MITF: variants seen among roughly 807,000 people sequenced by gnomAD.
The protein encoded by MITF is microphthalmia-associated transcription factor.
MITF carries 17 observed loss-of-function variants against 60.5 expected under a neutral mutation model. The ratio of observed to expected loss-of-function variants is 0.28; its 90% confidence interval spans 0.19 to 0.42. MITF has a LOEUF of 0.42. Ranked by LOEUF, MITF falls within the 10% of genes least tolerant of loss-of-function variation. The pLI, the probability that MITF is intolerant of heterozygous loss-of-function variation, is 1.00. For missense variants in MITF, 622 were observed against 683.5 expected (o/e 0.91, Z 1.00); for synonymous variants, 260 against 248.5 (o/e 1.05, Z -0.43).
intron 1 of MITF, among the ~76,000 whole-genome samples, chr3:69,765,928 GC>G (rs1242757951): frequency 1.3e-5 from 2 of 152,184 alleles, no homozygotes; most frequent in East Asian, 3.8e-4. Flanking sequence ...TCATTGTGGA[GC>G]TTTTGGTTAA....
intron 5 of MITF, among the ~76,000 whole-genome samples, chr3:69,943,425 A>G (rs1167180603): frequency 6.6e-6 from 1 of 152,032 alleles, no homozygotes; most frequent in Non-Finnish European, 1.5e-5. Context: ...ACATTTCCCC[A>G]TCTGTAAAAT....
intron 2 of MITF, chr3:69,936,446 C>T (rs2065836652): frequency 2.0e-6 from 1 of 508,234 alleles, no homozygotes; most frequent in East Asian, 3.5e-5. Context: ...AGCATGACGT[C>T]AAGCCAGGGG....
intron 2 of MITF, among the ~76,000 whole-genome samples, chr3:69,894,378 T>C (rs2107327409): frequency 6.6e-6 from 1 of 152,326 alleles, no homozygotes; most frequent in Non-Finnish European, 1.5e-5. Flanking sequence ...ATATGTCCAT[T>C]TAATTTTATT....
chr3:69,870,280 A>G (rs920273871), intron 1 of MITF, among the ~76,000 whole-genome samples: 12 of 147,544 alleles, frequency 8.1e-5, no homozygotes, highest in East Asian at 2.0e-4. Context: ...ACACACACAC[A>G]CGTGTGTGTG....
intron 1 of MITF, among the ~76,000 whole-genome samples, chr3:69,765,024 C>T (rs2062268798): frequency 6.6e-6 from 1 of 152,148 alleles, no homozygotes; most frequent in Non-Finnish European, 1.5e-5. Flanking sequence ...GTGCTGGACG[C>T]TGGAAGCCAT....
chr3:69,904,386 T>G (rs1050833117), intron 2 of MITF, among the ~76,000 whole-genome samples: 6 of 152,210 alleles, frequency 3.9e-5, no homozygotes, highest in Non-Finnish European at 7.3e-5. Context: ...TACCAGGTAC[T>G]GACTAGCATG....
At chr3:69,847,458 A>T (rs949277651) in intron 1 of MITF, among the ~76,000 whole-genome samples, 4 of 152,172 alleles carry the variant, frequency 2.6e-5, no homozygotes, top group Admixed American at 1.3e-4. Context: ...TAACTCATTT[A>T]GTTATTATCT....
chr3:69,795,355 A>T (rs1209609117), intron 1 of MITF, among the ~76,000 whole-genome samples: 1 of 152,258 alleles, frequency 6.6e-6, no homozygotes, highest in African/African-American at 2.4e-5. Flanking sequence ...AAAAACATAT[A>T]GAAAATTACG....
intron 2 of MITF, among the ~76,000 whole-genome samples, chr3:69,915,514 T>C (rs183607062): frequency 2.4e-4 from 36 of 151,602 alleles, no homozygotes; most frequent in African/African-American, 8.4e-4. Context: ...TATATTTAAA[T>C]ATGTACCTAT....
intron 5 of MITF, among the ~76,000 whole-genome samples, chr3:69,943,469 A>G (rs2107497055): frequency 6.6e-6 from 1 of 152,186 alleles, no homozygotes; most frequent in East Asian, 1.9e-4. Context: ...TATGTGGTCA[A>G]CTCACTTGGT....
At chr3:69,794,916 G>A (rs533367321) in intron 1 of MITF, among the ~76,000 whole-genome samples, 80 of 152,318 alleles carry the variant, frequency 5.3e-4, no homozygotes, top group South Asian at 6.2e-4. Flanking sequence ...AAGTACATTC[G>A]TACTGGGACA....
chr3:69,926,280 G>A (rs1374111085), intron 2 of MITF, among the ~76,000 whole-genome samples: 2 of 152,192 alleles, frequency 1.3e-5, no homozygotes, highest in African/African-American at 4.8e-5. Flanking sequence ...TCAGTCTCAT[G>A]ATATAGATCC....
At chr3:69,755,496 T>C (rs1218630732) in intron 1 of MITF, among the ~76,000 whole-genome samples, 4 of 129,956 alleles carry the variant, frequency 3.1e-5, no homozygotes, top group African/African-American at 5.7e-5. Context: ...ATAGCCACTT[T>C]AGAGACTAGG....
chr3:69,908,204 C>G lies in MITF; in HGVS notation c.354+28821C>G, dbSNP rs559376266. On this transcript the variant is annotated intron_variant, in intron 2 of 9. Transcript: ENST00000352241. ...TCTAGGGGTGTGATTCAGTTTTGTA[C>G]CACTTTACATAGTGAGAAAACATTC... Among the ~76,000 whole-genome samples the G allele has an allele frequency of 2.6e-5, 4 of 152,244 alleles. No individual in the cohort carries two copies. The East Asian group carries it at 7.7e-4, about 29-fold the overall frequency.
At chr3:69,782,227 G>T (rs888113438) in intron 1 of MITF, among the ~76,000 whole-genome samples, 2 of 152,186 alleles carry the variant, frequency 1.3e-5, no homozygotes, top group African/African-American at 4.8e-5. Context: ...TTTAAATAAG[G>T]CATGAGCCAT....
At chr3:69,859,589 G>A (rs2063977195) in intron 1 of MITF, among the ~76,000 whole-genome samples, 1 of 151,968 alleles carries the variant, frequency 6.6e-6, no homozygotes, top group African/African-American at 2.4e-5. Context: ...GGTCCATGGA[G>A]GCCACTTCTA....
intron 2 of MITF, among the ~76,000 whole-genome samples, chr3:69,894,105 G>A (rs1392948334): frequency 6.6e-6 from 1 of 152,142 alleles, no homozygotes; most frequent in East Asian, 1.9e-4. Flanking sequence ...GGTTACATAG[G>A]AGTGACCATA....
intron 1 of MITF, among the ~76,000 whole-genome samples, chr3:69,782,671 C>T (rs1242996413): frequency 1.3e-5 from 2 of 152,148 alleles, no homozygotes; most frequent in East Asian, 3.9e-4. Context: ...TTATTGTAGG[C>T]CATTTCTTGC....
At chr3:69,849,685 C>T (rs2063793003) in intron 1 of MITF, among the ~76,000 whole-genome samples, 1 of 152,196 alleles carries the variant, frequency 6.6e-6, no homozygotes, top group Non-Finnish European at 1.5e-5. Flanking sequence ...GCTCTGATAC[C>T]TCATCCTTGC....
Sources: gnomAD v4.1 joint callset for allele counts (sites outside exome capture counted in the v4.1 genomes callset) on GRCh38, gnomAD v4.1.1 for gene constraint, MANE v1.5 for transcripts, NCBI Gene and HGNC (gene_info 2026-07-23, HGNC 2026-07-21) for gene names.